DYNC2H1: variants seen among roughly 807,000 people sequenced by gnomAD.
DYNC2H1 encodes the protein dynein cytoplasmic 2 heavy chain 1.
In DYNC2H1, 410 loss-of-function variants were observed where a neutral mutation model predicts 570.0. The ratio of observed to expected loss-of-function variants is 0.72; its 90% confidence interval spans 0.66 to 0.78. The LOEUF is 0.78. Ranked by LOEUF, DYNC2H1 falls within the 30% of genes least tolerant of loss-of-function variation. The pLI is 0.00. For synonymous variants in DYNC2H1, 1,688 were observed against 1,677.6 expected, an observed-to-expected ratio of 1.01 and a Z score of -0.15; for missense variants, 4,865 against 5,046.4, an observed-to-expected ratio of 0.96 and a Z score of 1.09.
At chr11:103,198,122 T>C (rs1406327519) in intron 48 of DYNC2H1, 59 bp downstream of exon 48, 3 of 1,499,718 alleles carry the variant, frequency 2.0e-6, no homozygotes, top group East Asian at 2.5e-5. Flanking sequence ...TTTAAAAATA[T>C]TTATTGTAAA....
At chr11:103,164,933 T>C (rs979373028) in intron 30 of DYNC2H1, among the ~76,000 whole-genome samples, 2 of 152,160 alleles carry the variant, frequency 1.3e-5, no homozygotes, top group African/African-American at 2.4e-5. Context: ...CAAAGGAACA[T>C]TTTTATATGA....
chr11:103,361,796 C>T (rs1030983142), intron 83 of DYNC2H1, among the ~76,000 whole-genome samples: 4 of 151,786 alleles, frequency 2.6e-5, no homozygotes, highest in Non-Finnish European at 4.4e-5. Flanking sequence ...AAACAAAAAA[C>T]GAAAAAAGAA....
intron 85 of DYNC2H1, 161 bp from the exon 86 acceptor site, chr11:103,455,025 C>G (rs1191682566): frequency 1.9e-6 from 1 of 519,314 alleles, no homozygotes; most frequent in African/African-American, 1.9e-5. Context: ...AATTGCAATG[C>G]CAGACTTTAC....
At chr11:103,110,883 T>C (rs899345521) in intron 1 of DYNC2H1, among the ~76,000 whole-genome samples, 2 of 151,738 alleles carry the variant, frequency 1.3e-5, no homozygotes, top group African/African-American at 4.8e-5. Flanking sequence ...TGGAGTGCAA[T>C]GGCACAATCT....
chr11:103,354,826 C>A (rs1254236627), intron 82 of DYNC2H1, among the ~76,000 whole-genome samples: 1 of 139,874 alleles, frequency 7.1e-6, no homozygotes. Flanking sequence ...TTTTTTTCCT[C>A]AATGTTCTCC....
chr11:103,440,747 G>A (rs569991145), intron 85 of DYNC2H1, among the ~76,000 whole-genome samples: 74 of 152,138 alleles, frequency 4.9e-4, no homozygotes, highest in South Asian at 3.5e-3. Context: ...GTTCCCCAGC[G>A]GGTAGTTCAG....
intron 85 of DYNC2H1, among the ~76,000 whole-genome samples, chr11:103,443,351 A>G (rs560352568): frequency 6.6e-6 from 1 of 152,140 alleles, no homozygotes; most frequent in East Asian, 1.9e-4. Context: ...ACAAGCAAGG[A>G]AAGTAGTGAT....
At position 103,125,198 on chromosome 11, in the gene DYNC2H1, G is replaced by A. The variant is rs1238414767; in HGVS notation, c.1760G>A (p.Arg587His). 21 of 1,613,384 alleles carry A rather than the reference G, an allele frequency of 1.3e-5. No individual in the cohort carries two copies. Among genetic ancestry groups the A allele is most frequent in the East Asian group, 8.9e-5 (4 of 44,830 alleles). The change falls in exon 12 of 89, where the codon CGT becomes CAT. Residue 587 changes from arginine (R) to histidine (H), a missense_variant. This residue lies in a region of DYNC2H1 where 1,936 missense variants were observed against 1,962.1 expected (regional missense o/e 0.99). Coordinates refer to ENST00000375735, the MANE Select transcript of DYNC2H1 (RefSeq NM_001377.3). ...TTGGTGATTCTTCTGAGAGAAGTTCGTCAGCTCTCTGCACTTGGCTTTGTT... is the reference window on the plus strand; with the variant it reads ...TTGGTGATTCTTCTGAGAGAAGTTCATCAGCTCTCTGCACTTGGCTTTGTT... ...DRLVILLREV[R>H]QLSALGFVIP...
chr11:103,344,076 CTT>C (rs1336665016), intron 82 of DYNC2H1, among the ~76,000 whole-genome samples: 1 of 152,218 alleles, frequency 6.6e-6, no homozygotes, highest in Non-Finnish European at 1.5e-5. Context: ...CACTGTGAAA[CTT>C]TGGTGCAGAC....
chr11:103,214,983 T>C (rs182729000), intron 54 of DYNC2H1, among the ~76,000 whole-genome samples: 164 of 152,216 alleles, frequency 1.1e-3, no homozygotes, highest in Admixed American at 2.2e-3. Context: ...ACATTGCTGA[T>C]TTTTCTGTGT....
chr11:103,403,278 T>G (rs1278125419), intron 84 of DYNC2H1: 1 of 152,050 alleles, frequency 6.6e-6, no homozygotes, highest in Non-Finnish European at 1.5e-5. Context: ...TCTCAAGAGG[T>G]TAAATGTTCT....
intron 70 of DYNC2H1, among the ~76,000 whole-genome samples, chr11:103,263,820 A>G (rs935091659): frequency 2.0e-5 from 3 of 152,186 alleles, no homozygotes; most frequent in Admixed American, 2.0e-4. Flanking sequence ...GCAAGAGCAA[A>G]CACATTCAAA....
intron 75 of DYNC2H1, among the ~76,000 whole-genome samples, chr11:103,295,382 C>T (rs1866776970): frequency 6.6e-6 from 1 of 152,202 alleles, no homozygotes; most frequent in South Asian, 2.1e-4. Context: ...ACAGGCACAG[C>T]CCAGACCCAG....
intron 84 of DYNC2H1, among the ~76,000 whole-genome samples, chr11:103,432,743 A>C (rs1943937659): frequency 6.6e-6 from 1 of 152,160 alleles, no homozygotes; most frequent in Non-Finnish European, 1.5e-5. Context: ...ATCAAACAGC[A>C]AATTCTAACA....
chr11:103,233,695 A>T (rs1374709634), intron 60 of DYNC2H1, among the ~76,000 whole-genome samples: 1 of 151,980 alleles, frequency 6.6e-6, no homozygotes, highest in Admixed American at 6.6e-5. Flanking sequence ...GATCAGTAAT[A>T]TAATGAAATA....
intron 65 of DYNC2H1, among the ~76,000 whole-genome samples, chr11:103,247,412 T>A (rs1159302255): frequency 1.3e-5 from 2 of 152,074 alleles, no homozygotes; most frequent in East Asian, 3.8e-4. Context: ...AAGAGGTATA[T>A]CTCCATATGG....
At position 103,316,673 on chromosome 11, in the gene DYNC2H1, GTCTTATTAACTATGTTT is replaced by G; in HGVS notation, c.11725+58_11725+74del. 4 of 1,318,280 alleles carry G rather than the reference GTCTTATTAACTATGTTT, an allele frequency of 3.0e-6. No individual in the cohort carries two copies. The East Asian group carries it at 1.1e-4, about 36-fold the overall frequency. 81.7% of individuals were successfully genotyped at this position (1,318,280 alleles called of 1,614,324 possible). On this transcript the variant is annotated intron_variant, in intron 80 of 88. Transcript: ENST00000375735. ...ATATTAATAAAATATTTTATCTGAG[GTCTTATTAACTATGTTT>G]TCTTCAGAAGTGGCTTAACTTCCTA... is the stretch of plus-strand genomic sequence containing the variant.
intron 88 of DYNC2H1, 31 bp downstream of exon 88, chr11:103,468,736 A>T: frequency 6.8e-7 from 1 of 1,475,030 alleles, no homozygotes; most frequent in Non-Finnish European, 9.4e-7. Flanking sequence ...ACAAGTTTTA[A>T]TTATATCAGT....
chr11:103,304,787 G>A, intron 77 of DYNC2H1, 67 bp downstream of exon 77: 1 of 1,390,522 alleles, frequency 7.2e-7, no homozygotes, highest in Non-Finnish European at 9.5e-7. Context: ...AGGGACATCA[G>A]TATTAAAATG....
Sources: gnomAD v4.1 joint callset for allele counts (sites outside exome capture counted in the v4.1 genomes callset) on GRCh38, gnomAD v4.1.1 for gene constraint, gnomAD v4.1.1 regional missense constraint, MANE v1.5 for transcripts, NCBI Gene and HGNC (gene_info 2026-07-23, HGNC 2026-07-21) for gene names.